The following PDE8B variants were observed in gnomAD, a reference collection of about 807,000 sequenced individuals.
PDE8B encodes high affinity cAMP-specific and IBMX-insensitive 3',5'-cyclic phosphodiesterase 8B.
A neutral mutation model predicts 101.3 loss-of-function variants in PDE8B; 26 were observed. The observed-to-expected ratio is 0.26, with a 90% CI of 0.19 to 0.36. The LOEUF is 0.36. Among genes scored for constraint, PDE8B ranks in the 10% least tolerant of loss-of-function variants. The pLI is 1.00. For missense variants in PDE8B, 810 were observed against 1,163.1 expected, an observed-to-expected ratio of 0.70 and a Z score of 4.42; for synonymous variants, 424 against 429.3, an observed-to-expected ratio of 0.99 and a Z score of 0.15.
chr5:77,401,571 T>A (rs1366893269), intron 11 of PDE8B, among the ~76,000 whole-genome samples: 1 of 152,352 alleles, frequency 6.6e-6, no homozygotes, highest in African/African-American at 2.4e-5. Flanking sequence ...TAGCCCTATG[T>A]AGTTTTGAGA....
intron 1 of PDE8B, among the ~76,000 whole-genome samples, chr5:77,220,643 A>G (rs1164077228): frequency 1.3e-5 from 2 of 152,246 alleles, no homozygotes; most frequent in African/African-American, 2.4e-5. Context: ...GTTTTAGCCC[A>G]TTATGTAGCT....
At chr5:77,209,487 C>G (rs1199549427), upstream of PDE8B, among the ~76,000 whole-genome samples, 1 of 152,222 alleles carries the variant, frequency 6.6e-6, no homozygotes, top group Non-Finnish European at 1.5e-5. Context: ...CTTAGACCAT[C>G]TAATTTATCT....
intron 1 of PDE8B, among the ~76,000 whole-genome samples, chr5:77,280,304 G>A (rs530709367): frequency 6.6e-6 from 1 of 152,242 alleles, no homozygotes; most frequent in African/African-American, 2.4e-5. Flanking sequence ...TGGAAGGATT[G>A]TCAGACCACA....
intron 2 of PDE8B, among the ~76,000 whole-genome samples, chr5:77,323,601 G>C (rs1269921811): frequency 6.6e-6 from 1 of 152,110 alleles, no homozygotes; most frequent in Admixed American, 6.5e-5. Context: ...GCCGGGTAAG[G>C]AGTACGTGAG....
At chr5:77,295,957 T>C (rs753203659) in intron 1 of PDE8B, among the ~76,000 whole-genome samples, 6 of 152,186 alleles carry the variant, frequency 3.9e-5, no homozygotes, top group Non-Finnish European at 7.4e-5. Context: ...TTATTAAAAG[T>C]AGAATAGCTT....
chr5:77,314,859 C>T (rs1773464032), intron 2 of PDE8B, among the ~76,000 whole-genome samples: 2 of 152,034 alleles, frequency 1.3e-5, no homozygotes, highest in South Asian at 4.1e-4. Flanking sequence ...TGTTGTGAGT[C>T]TTTTAAATTT....
At chr5:77,336,269 A>G (rs1778172485) in intron 5 of PDE8B, among the ~76,000 whole-genome samples, 1 of 152,178 alleles carries the variant, frequency 6.6e-6, no homozygotes, top group Non-Finnish European at 1.5e-5. Flanking sequence ...TAGCACATAC[A>G]CAGTGTTGTA....
intron 1 of PDE8B, among the ~76,000 whole-genome samples, chr5:77,276,681 G>T (rs1304566817): frequency 6.6e-6 from 1 of 152,106 alleles, no homozygotes; most frequent in Non-Finnish European, 1.5e-5. Flanking sequence ...GAATTTTCAG[G>T]TAATTAATGC....
chr5:77,273,710 A>G (rs1397304840), intron 1 of PDE8B, among the ~76,000 whole-genome samples: 1 of 152,240 alleles, frequency 6.6e-6, no homozygotes, highest in Non-Finnish European at 1.5e-5. Context: ...GGCAAAAGCC[A>G]TTTGAGGTGG....
chr5:77,114,223 G>T, the PDE8B span: 2 of 152,160 alleles, frequency 1.3e-5, no homozygotes, highest in Non-Finnish European at 2.9e-5. Flanking sequence ...TATGTTTATT[G>T]TGGCACTATT....
chr5:77,370,400 A>G (rs966067900), intron 10 of PDE8B, among the ~76,000 whole-genome samples: 1 of 152,236 alleles, frequency 6.6e-6, no homozygotes, highest in Admixed American at 6.5e-5. Flanking sequence ...TTTCATCTAA[A>G]TGGAGTCACA....
chr5:77,289,158 C>T (rs1766720265), intron 1 of PDE8B, among the ~76,000 whole-genome samples: 1 of 152,044 alleles, frequency 6.6e-6, no homozygotes, highest in Non-Finnish European at 1.5e-5. Flanking sequence ...CTCTTTTATG[C>T]CTGGGAATAT....
At chr5:77,328,962 G>A in intron 3 of PDE8B, 36 bp from the exon 4 acceptor site, 1 of 1,564,832 alleles carries the variant, frequency 6.4e-7, no homozygotes, top group Non-Finnish European at 8.8e-7. Context: ...ACAAAGCCCA[G>A]ATCACCTTGT....
At chr5:77,107,857 T>A in the PDE8B span, among the ~76,000 whole-genome samples, 1 of 152,204 alleles carries the variant, frequency 6.6e-6, no homozygotes, top group Non-Finnish European at 1.5e-5. Context: ...CAATTATCCT[T>A]TAGTAGTTGT....
At chr5:77,347,510 AAAGAAAATAAT>A (rs1780351565) in intron 7 of PDE8B, among the ~76,000 whole-genome samples, 1 of 152,238 alleles carries the variant, frequency 6.6e-6, no homozygotes, top group Non-Finnish European at 1.5e-5. Context: ...GCTAACAAAT[AAAGAAAATAAT>A]ATATTCTCTA....
the PDE8B span, chr5:77,146,384 C>T: frequency 6.6e-6 from 1 of 152,272 alleles, no homozygotes; most frequent in African/African-American, 2.4e-5. Flanking sequence ...GTGGATGGAA[C>T]CTGTGATTTG....
chr5:77,269,596 T>C (rs1561446122), intron 1 of PDE8B, among the ~76,000 whole-genome samples: 1 of 152,238 alleles, frequency 6.6e-6, no homozygotes, highest in Non-Finnish European at 1.5e-5. Context: ...TTTAACGGTT[T>C]CATAGTTTGA....
the PDE8B span, among the ~76,000 whole-genome samples, chr5:77,190,871 T>C: frequency 6.6e-6 from 1 of 152,198 alleles, no homozygotes; most frequent in East Asian, 1.9e-4. Context: ...GGATGGTGAA[T>C]TTATTATCTT....
intron 1 of PDE8B, among the ~76,000 whole-genome samples, chr5:77,240,346 G>A (rs1000718306): frequency 2.0e-5 from 3 of 151,930 alleles, no homozygotes; most frequent in Admixed American, 6.6e-5. Flanking sequence ...GTAGAGACGG[G>A]GTTTCACCGT....
Sources: allele counts gnomAD v4.1 joint callset (sites outside exome capture counted in the v4.1 genomes callset), GRCh38; gene constraint gnomAD v4.1.1; transcripts MANE v1.5; gene names NCBI Gene and HGNC (gene_info 2026-07-23, HGNC 2026-07-21).